The following NUP153 variants were observed in gnomAD, a reference collection of about 807,000 sequenced individuals.
NUP153 encodes nuclear pore complex protein Nup153.
NUP153 carries 27 observed loss-of-function variants against 134.6 expected under a neutral mutation model. The observed-to-expected ratio is 0.20, with a 90% CI of 0.15 to 0.28. The LOEUF (loss-of-function observed/expected upper bound fraction) is 0.28. NUP153 is among the 10% of genes least tolerant of loss of function. The pLI, the probability that NUP153 is intolerant of heterozygous loss-of-function variation, is 1.00. For synonymous variants in NUP153, 640 were observed against 623.5 expected, an observed-to-expected ratio of 1.03 and a Z score of -0.40; for missense variants, 1,821 against 1,731.3, an observed-to-expected ratio of 1.05 and a Z score of -0.92.
chr6:17,678,352 C>CCAAAAA, intron 2 of NUP153, among the ~76,000 whole-genome samples: 1 of 68,238 alleles, frequency 1.5e-5, no homozygotes, highest in Non-Finnish European at 2.7e-5. Flanking sequence ...CCCTCTGTCT[C>CCAAAAA]AAAAAAAAAA....
intron 16 of NUP153, among the ~76,000 whole-genome samples, chr6:17,633,731 A>G (rs754708045): frequency 6.6e-6 from 1 of 152,172 alleles, no homozygotes; most frequent in South Asian, 2.1e-4. Context: ...CTGACAGTGA[A>G]GCCATTCATT....
Position 17,647,787 on chromosome 6 carries a change from A to G in NUP153, c.1632+20T>C, listed in dbSNP as rs1407000617. 3 of 1,381,660 alleles carry G rather than the reference A, an allele frequency of 2.2e-6. No homozygotes were observed. In the African/African-American group the frequency reaches 4.3e-5, roughly 20 times the overall value. 85.6% of individuals were successfully genotyped at this position (1,381,660 alleles called of 1,614,324 possible). A position where few individuals can be genotyped will look rare whatever the true frequency, so the allele number is the denominator to read the frequency against. On this transcript the variant is annotated intron_variant, in intron 13 of 21. Coordinates refer to ENST00000262077, the MANE Select transcript of NUP153 (RefSeq NM_005124.4). ...GCTTTGAAATCAGTAAATATATACT[A>G]TTCCTTGCTTGTTACTTACAGATGA...
chr6:17,632,561 A>T, intron 17 of NUP153, 89 bp downstream of exon 17: 1 of 900,546 alleles, frequency 1.1e-6, no homozygotes, highest in Non-Finnish European at 1.7e-6. Context: ...ATGAGTGAAC[A>T]CTGAAGCTGT....
At chr6:17,624,435 C>G in intron 20 of NUP153, 126 bp downstream of exon 20, 1 of 879,180 alleles carries the variant, frequency 1.1e-6, no homozygotes, top group Non-Finnish European at 1.7e-6. Context: ...CATATTACCT[C>G]TCTATTCTGC....
At chr6:17,637,087 TTAGAA>T in intron 16 of NUP153, 61 bp downstream of exon 16, 1 of 1,421,356 alleles carries the variant, frequency 7.0e-7, no homozygotes, top group Admixed American at 2.2e-5. Flanking sequence ...ACAAGGATTC[TTAGAA>T]TAAATTAAAC....
chr6:17,648,161 A>T (rs111530122), intron 12 of NUP153, among the ~76,000 whole-genome samples: 35 of 152,328 alleles, frequency 2.3e-4, no homozygotes, highest in African/African-American at 7.9e-4. Flanking sequence ...ATATGTTCAG[A>T]AGAAGTGAAA....
In NUP153 at chr6:17,701,838, G is replaced by GGGA. The variant is rs1554148703; in HGVS notation, c.111+4438_111+4439insTCC. ...ACAGAGCAAGACTCTGTCTCGGGGG[G>GGGA]GGGGGGAAAAAAGCTAAATGCAGGA... On this transcript the variant is annotated intron_variant, in intron 1 of 21. Coordinates refer to ENST00000262077, the MANE Select transcript of NUP153 (RefSeq NM_005124.4). 2.7e-3 allele frequency among the ~76,000 whole-genome samples: 291 copies of GGGA among 106,086 alleles called. 32 individuals carry two copies. Among genetic ancestry groups the GGGA allele is most frequent in the African/African-American group, 9.9e-3 (279 of 28,054 alleles). 69.6% of individuals were successfully genotyped at this position (106,086 alleles called of 152,430 possible).
intron 1 of NUP153, among the ~76,000 whole-genome samples, chr6:17,699,705 C>T (rs574583075): frequency 6.6e-6 from 1 of 151,814 alleles, no homozygotes; most frequent in South Asian, 2.1e-4. Flanking sequence ...CGTGGTGGCA[C>T]ACACCTGTAA....
At chr6:17,648,143 C>A (rs1436273790) in intron 12 of NUP153, among the ~76,000 whole-genome samples, 1 of 152,150 alleles carries the variant, frequency 6.6e-6, no homozygotes, top group Non-Finnish European at 1.5e-5. Flanking sequence ...AAAGTAACAT[C>A]TATAAGAATA....
chr6:17,616,254 G>T, intron 21 of NUP153, 73 bp from the exon 22 acceptor site: 1 of 529,640 alleles, frequency 1.9e-6, no homozygotes, highest in Non-Finnish European at 3.3e-6. Context: ...CATTTACCAT[G>T]AGCAGCACAA....
chr6:17,678,615 C>T (rs918901833), intron 2 of NUP153, among the ~76,000 whole-genome samples: 1 of 152,066 alleles, frequency 6.6e-6, no homozygotes, highest in African/African-American at 2.4e-5. Flanking sequence ...CTGTATTTGC[C>T]ATTCTGTAGT....
chr6:17,617,622 T>A (rs982719325), intron 20 of NUP153, among the ~76,000 whole-genome samples: 16 of 152,214 alleles, frequency 1.1e-4, no homozygotes, highest in African/African-American at 3.4e-4. Context: ...GCAGGTGGAC[T>A]GCTTGAGCCC....
Position 17,628,872 on chromosome 6 carries a change from C to T in NUP153, c.3327G>A (p.Glu1109=). Residue 1109 remains glutamate (E), a synonymous_variant, in exon 18 of 22, where the codon GAG becomes GAA. Transcript: ENST00000262077. This position sits in a 1 kb window ranked among gnomAD's most constrained non-coding sequence, Gnocchi z 5.4. ...VLGRTEEKQQ[E]PVTSTSLVFG... ...AAACTAGGGAAGTAGAAGTGACAGG[C>T]TCTTGCTGTTTCTCTTCTGTCCTTC... is the stretch of plus-strand genomic sequence containing the variant. The T allele has an allele frequency of 1.2e-6, 2 of 1,614,188 alleles. No homozygotes were observed. The highest frequency in any genetic ancestry group is 1.7e-6 in the Non-Finnish European group (2 of 1,180,020).
chr6:17,693,957 C>A (rs1362180456), intron 1 of NUP153, among the ~76,000 whole-genome samples: 1 of 152,148 alleles, frequency 6.6e-6, no homozygotes, highest in Non-Finnish European at 1.5e-5. Context: ...CAGGTCTTTG[C>A]TTATATAATA....
chr6:17,626,927 T>C (rs1469994261), intron 18 of NUP153, among the ~76,000 whole-genome samples: 1 of 152,240 alleles, frequency 6.6e-6, no homozygotes, highest in Non-Finnish European at 1.5e-5. Flanking sequence ...ATTTGGCATG[T>C]TACAAGTTCT....
chr6:17,647,952 A>G lies in NUP153; in HGVS notation c.1534-47T>C, dbSNP rs371895707. ...AAATGATACAAAAAGAGCTTTTTAGAAAAATAAAGTGACAAAAAAGACATT... is the reference window on the plus strand; with the variant it reads ...AAATGATACAAAAAGAGCTTTTTAGGAAAATAAAGTGACAAAAAAGACATT... On this transcript the variant is annotated intron_variant, in intron 12 of 21. Transcript: ENST00000262077. The G allele has an allele frequency of 1.2e-5, 14 of 1,200,110 alleles. No individual in the cohort carries two copies. In the African/African-American group the frequency reaches 1.7e-4, roughly 14 times the overall value. 74.3% of individuals were successfully genotyped at this position (1,200,110 alleles called of 1,614,324 possible).
chr6:17,646,289 C>G (rs1036906267), intron 13 of NUP153, 135 bp from the exon 14 acceptor site: 12 of 454,340 alleles, frequency 2.6e-5, no homozygotes, highest in Admixed American at 2.3e-4. Context: ...CTCACTGCAA[C>G]CTCCGCCTCC....
chr6:17,638,012 A>G lies in NUP153; in HGVS notation c.1847-242T>C, dbSNP rs924579985. The stretch of plus-strand genomic sequence containing the variant: ...TTTACAGGATATCACCTTCTCCTTC[A>G]AGGAATTTCTAGTTTGATGCTTTCA... On this transcript the variant is annotated intron_variant, in intron 15 of 21. Transcript: ENST00000262077. The surrounding 1 kb of genome is among the most constrained non-coding windows in gnomAD (Gnocchi z 4.0). 9.2e-5 allele frequency among the ~76,000 whole-genome samples: 14 copies of G among 152,224 alleles called. No individual in the cohort carries two copies. The highest frequency in any genetic ancestry group is 1.6e-4 in the Non-Finnish European group (11 of 68,036).
At chr6:17,651,248 G>C (rs1766479635) in intron 11 of NUP153, among the ~76,000 whole-genome samples, 1 of 151,922 alleles carries the variant, frequency 6.6e-6, no homozygotes, top group South Asian at 2.1e-4. Flanking sequence ...GGCTGTAGTG[G>C]GCCATGACTG....
Sources: allele counts gnomAD v4.1 joint callset (sites outside exome capture counted in the v4.1 genomes callset), GRCh38; gene constraint gnomAD v4.1.1; non-coding constraint Gnocchi (gnomAD v3.1); transcripts MANE v1.5; gene names NCBI Gene and HGNC (gene_info 2026-07-23, HGNC 2026-07-21).